The following MCTS1 variants were observed in gnomAD, a reference collection of about 807,000 sequenced individuals.
MCTS1 encodes the protein MCTS1 re-initiation and release factor.
For synonymous variants in MCTS1, 26 were observed against 40.8 expected (o/e 0.64, Z 1.38); for missense variants, 55 against 128.6 (o/e 0.43, Z 2.77).
rs66864093 is a variant in MCTS1 at position 120,612,687 on chromosome X, ATGTGTGTGTGTGTG to A, written c.*435_*448del. The stretch of plus-strand genomic sequence containing the variant: ...TGTGTGTGTGTGTGTGTGTGTGTGT[ATGTGTGTGTGTGTG>A]TGTGTGTGTGTTTTGTTGATTGTTT... On this transcript the variant is annotated 3_prime_UTR_variant, in exon 6 of 6. Transcript: ENST00000371317. Among the ~76,000 whole-genome samples the A allele has an allele frequency of 1.1e-5, 1 of 93,667 alleles. No individual in the cohort carries two copies. The highest frequency in any genetic ancestry group is 3.8e-5 in the African/African-American group (1 of 26,200). 81.3% of individuals were successfully genotyped at this position (93,667 alleles called of 115,157 possible).
chrX:120,606,063 G>A lies in MCTS1; in HGVS notation c.165-16G>A, dbSNP rs764843418. 67 of 970,607 alleles carry A rather than the reference G, an allele frequency of 6.9e-5. No homozygotes were observed. Among genetic ancestry groups the A allele is most frequent in the Non-Finnish European group, 1.4e-5 (10 of 712,305 alleles). 80.0% of individuals were successfully genotyped at this position (970,607 alleles called of 1,213,427 possible). A position where few individuals can be genotyped will look rare whatever the true frequency, so the allele number is the denominator to read the frequency against. Reference sequence around the variant, plus strand: ...GAAAATATCTAACTTGGTACTTTGTGACATTTGTCTTACAGCCATGAACAT... The same window carrying A: ...GAAAATATCTAACTTGGTACTTTGTAACATTTGTCTTACAGCCATGAACAT... On this transcript the variant is annotated splice_polypyrimidine_tract_variant and intron_variant, in intron 2 of 5. Coordinates refer to ENST00000371317, the MANE Select transcript of MCTS1 (RefSeq NM_014060.3).
rs1926598347 is a variant in MCTS1, at chrX:120,608,452, A to G, written c.396+94A>G. On this transcript the variant is annotated intron_variant, in intron 4 of 5. Transcript: ENST00000371317. Reference sequence around the variant, plus strand: ...TACCATCCAAGAGAACATTAGATGTACTTTTTTGAAGGTTACTGTTACTCT... The same window carrying G: ...TACCATCCAAGAGAACATTAGATGTGCTTTTTTGAAGGTTACTGTTACTCT... 4 of 944,590 alleles carry G rather than the reference A, an allele frequency of 4.2e-6. No homozygotes were observed. The Admixed American group carries it at 1.0e-4, about 24-fold the overall frequency. The allele number at this position is 944,590 out of a possible 1,213,427, so 77.8% of individuals were successfully genotyped here.
rs1271517995 is a variant in MCTS1, at chrX:120,619,886, G to A, written c.*7622G>A. Among the ~76,000 whole-genome samples the A allele has an allele frequency of 8.9e-6, 1 of 111,963 alleles. No homozygotes were observed. The highest frequency in any genetic ancestry group is 1.9e-5 in the Non-Finnish European group (1 of 53,286). The stretch of plus-strand genomic sequence containing the variant: ...GTCACTTTCAAGCCAGGTGATTTGT[G>A]ACCATTTAAATGTTATGCTATTTCA... On this transcript the variant is annotated 3_prime_UTR_variant, in exon 6 of 6. Coordinates refer to ENST00000371317, the MANE Select transcript of MCTS1 (RefSeq NM_014060.3).
In MCTS1 at chrX:120,619,299, A is replaced by G. The variant is rs1435884216; in HGVS notation, c.*7035A>G. Reference sequence around the variant, plus strand: ...AAGATATTTAATACAAAGGATTGATACATATTTAACTGTTTAGAATTCTAG... The same window carrying G: ...AAGATATTTAATACAAAGGATTGATGCATATTTAACTGTTTAGAATTCTAG... On this transcript the variant is annotated 3_prime_UTR_variant, in exon 6 of 6. Coordinates refer to ENST00000371317, the MANE Select transcript of MCTS1 (RefSeq NM_014060.3). 9.0e-6 allele frequency among the ~76,000 whole-genome samples: 1 copy of G among 111,224 alleles called. No individual in the cohort carries two copies. Among genetic ancestry groups the G allele is most frequent in the Non-Finnish European group, 1.9e-5 (1 of 53,065 alleles).
intron 3 of MCTS1, among the ~76,000 whole-genome samples, chrX:120,607,760 A>G (rs914359879): frequency 3.6e-5 from 4 of 111,425 alleles, no homozygotes; most frequent in Non-Finnish European, 7.5e-5. Flanking sequence ...TTACTGGCCT[A>G]ACATCCTTTG....
At position 120,620,709 on chromosome X, in the gene MCTS1, A is replaced by AG. The variant is rs1429955293; in HGVS notation, c.*8449dup. On this transcript the variant is annotated 3_prime_UTR_variant, in exon 6 of 6. Transcript: ENST00000371317. ...TTATAATTTAAGGGAAAAAACATTG[A>AG]GGGGCCTAATCTACATTTTGCTCCG... 2.7e-5 allele frequency: 3 copies of AG among 111,283 alleles called. No individual in the cohort carries two copies. Among genetic ancestry groups the AG allele is most frequent in the Non-Finnish European group, 3.8e-5 (2 of 53,063 alleles). The allele number at this position is 111,283 out of a possible 1,213,427, so 9.2% of individuals were successfully genotyped here. A position where few individuals can be genotyped will look rare whatever the true frequency, so the allele number is the denominator to read the frequency against.
In MCTS1 at chrX:120,617,719, A is replaced by T. The variant is rs2147378466; in HGVS notation, c.*5455A>T. Among the ~76,000 whole-genome samples the T allele has an allele frequency of 8.9e-6, 1 of 112,087 alleles. No individual in the cohort carries two copies. Among genetic ancestry groups the T allele is most frequent in the Admixed American group, 9.5e-5 (1 of 10,526 alleles). On this transcript the variant is annotated 3_prime_UTR_variant, in exon 6 of 6. Coordinates refer to ENST00000371317, the MANE Select transcript of MCTS1 (RefSeq NM_014060.3). ...TAAAGACGGGAAGATTTACTTTATA[A>T]TTTTAATTTCTTATCACAAGACTCG...
In MCTS1 at chrX:120,617,705, A is replaced by G. The variant is rs1232078142; in HGVS notation, c.*5441A>G. Among the ~76,000 whole-genome samples, 3 of 111,893 alleles carry G rather than the reference A, an allele frequency of 2.7e-5. No individual in the cohort carries two copies. Among genetic ancestry groups the G allele is most frequent in the African/African-American group, 9.7e-5 (3 of 30,868 alleles). The stretch of plus-strand genomic sequence containing the variant: ...TACCACCTAGAATTTAAAGACGGGA[A>G]GATTTACTTTATAATTTTAATTTCT... On this transcript the variant is annotated 3_prime_UTR_variant, in exon 6 of 6. Coordinates refer to ENST00000371317, the MANE Select transcript of MCTS1 (RefSeq NM_014060.3).
At chrX:120,606,034 G>T (rs1926522069) in intron 2 of MCTS1, 45 bp from the exon 3 acceptor site, 1 of 834,763 alleles carries the variant, frequency 1.2e-6, no homozygotes, top group Non-Finnish European at 1.7e-6. Context: ...GTGAATTTTT[G>T]AAAGAAAATA....
rs774826748 is a variant in MCTS1, at chrX:120,617,316, C to T, written c.*5052C>T. On this transcript the variant is annotated 3_prime_UTR_variant, in exon 6 of 6. Transcript: ENST00000371317. The stretch of plus-strand genomic sequence containing the variant: ...AAGCGATTCTCCTGCCTCAGCCTCC[C>T]GAGTAGCTGGGATCCCATGCGTGTG... Among the ~76,000 whole-genome samples the T allele has an allele frequency of 1.8e-5, 2 of 110,884 alleles. No individual in the cohort carries two copies. Among genetic ancestry groups the T allele is most frequent in the African/African-American group, 3.3e-5 (1 of 30,553 alleles).
chrX:120,615,116 C>T lies in MCTS1; in HGVS notation c.*2852C>T, dbSNP rs1304132458. ...TGTGTGATCCTTGTCATTTTCTAAA[C>T]ATTAGGTCATACATGAAAGGCAATT... On this transcript the variant is annotated 3_prime_UTR_variant, in exon 6 of 6. Coordinates refer to ENST00000371317, the MANE Select transcript of MCTS1 (RefSeq NM_014060.3). Among the ~76,000 whole-genome samples, 1 of 111,816 alleles carries T rather than the reference C, an allele frequency of 8.9e-6. No homozygotes were observed. The highest frequency in any genetic ancestry group is 3.3e-5 in the African/African-American group (1 of 30,768).
At chrX:120,611,932 C>A (rs922875337) in intron 5 of MCTS1, among the ~76,000 whole-genome samples, 1 of 111,657 alleles carries the variant, frequency 9.0e-6, no homozygotes, top group African/African-American at 3.3e-5. Context: ...CTTTGATATT[C>A]CCCTAGTCTT....
In MCTS1 at chrX:120,620,354, C is replaced by T. The variant is rs1700181035; in HGVS notation, c.*8090C>T. Among the ~76,000 whole-genome samples, 1 of 104,632 alleles carries T rather than the reference C, an allele frequency of 9.6e-6. No individual in the cohort carries two copies. The highest frequency in any genetic ancestry group is 3.5e-5 in the African/African-American group (1 of 28,414). 90.9% of individuals were successfully genotyped at this position (104,632 alleles called of 115,157 possible). A position where few individuals can be genotyped will look rare whatever the true frequency, so the allele number is the denominator to read the frequency against. On this transcript the variant is annotated 3_prime_UTR_variant, in exon 6 of 6. Coordinates refer to ENST00000371317, the MANE Select transcript of MCTS1 (RefSeq NM_014060.3). ...CAAAAATTAGCTGGGCATGGTGGCGCGTGCCTGTAATCCCAGCACTTTGGG... is the reference window on the plus strand; with the variant it reads ...CAAAAATTAGCTGGGCATGGTGGCGTGTGCCTGTAATCCCAGCACTTTGGG...
In MCTS1 at chrX:120,616,227, T is replaced by G. The variant is rs1406736700; in HGVS notation, c.*3963T>G. Among the ~76,000 whole-genome samples, 1 of 109,564 alleles carries G rather than the reference T, an allele frequency of 9.1e-6. No homozygotes were observed. The highest frequency in any genetic ancestry group is 9.6e-5 in the Admixed American group (1 of 10,448). On this transcript the variant is annotated 3_prime_UTR_variant, in exon 6 of 6. Transcript: ENST00000371317. The stretch of plus-strand genomic sequence containing the variant: ...CAAGAAACTCAAAATGATTCTAATT[T>G]CTAAGTAGTATGCATTAAAACTGAT...
At position 120,605,476 on chromosome X, in the gene MCTS1, T is replaced by A; in HGVS notation, c.81T>A (p.Asn27Lys). The A allele has an allele frequency of 8.3e-7, 1 of 1,201,286 alleles. No homozygotes were observed. The highest frequency in any genetic ancestry group is 1.1e-6 in the Non-Finnish European group (1 of 890,741). The change falls in exon 2 of 6, where the codon AAT becomes AAA. Residue 27 changes from asparagine (N) to lysine (K), a missense_variant. Physicochemically the swap from Asn to Lys is moderately conservative, Grantham distance 94. Transcript: ENST00000371317. The stretch of plus-strand genomic sequence containing the variant: ...CTTCAGTTATTAAGGGTATTAAGAA[T>A]CAATTGATAGAGCAATTTCCAGGTA... ...LKTSVIKGIK[N>K]QLIEQFPGIE... is the part of the protein sequence containing the mutation.
At chrX:120,609,471 CCA>C (rs1489574468) in intron 4 of MCTS1, among the ~76,000 whole-genome samples, 1 of 111,383 alleles carries the variant, frequency 9.0e-6, no homozygotes, top group Non-Finnish European at 1.9e-5. Flanking sequence ...GTGTGAGCCA[CCA>C]CACCTGGCCA....
chrX:120,605,670 A>T, intron 2 of MCTS1, 111 bp downstream of exon 2: 1 of 753,206 alleles, frequency 1.3e-6, no homozygotes, highest in South Asian at 3.1e-5. Flanking sequence ...ATAGATTAAT[A>T]ATGGGGTAGA....
intron 2 of MCTS1, 65 bp from the exon 3 acceptor site, chrX:120,606,014 G>A: frequency 5.7e-6 from 4 of 696,934 alleles, no homozygotes; most frequent in Non-Finnish European, 8.4e-6. Flanking sequence ...GTATATGCGT[G>A]TTTTATATTG....
intron 4 of MCTS1, among the ~76,000 whole-genome samples, chrX:120,610,584 G>A (rs1363834376): frequency 5.3e-5 from 6 of 112,698 alleles, no homozygotes; most frequent in African/African-American, 1.9e-4. Flanking sequence ...TTGCACTCCA[G>A]CCTGGGCAAC....
Sources: gnomAD v4.1 joint callset for allele counts (sites outside exome capture counted in the v4.1 genomes callset) on GRCh38, gnomAD v4.1.1 for gene constraint, MANE v1.5 for transcripts, NCBI Gene and HGNC (gene_info 2026-07-23, HGNC 2026-07-21) for gene names.